Variants in ASIC1 observed in about 807,000 individuals in gnomAD.
The protein encoded by ASIC1 is acid sensing ion channel subunit 1.
A neutral mutation model predicts 63.4 loss-of-function variants in ASIC1; 21 were observed. That is an observed-to-expected ratio of 0.33 (90% CI 0.23 to 0.48). The LOEUF (loss-of-function observed/expected upper bound fraction) is 0.48, where lower values mean the gene tolerates loss of function less well. Among genes scored for constraint, ASIC1 ranks in the 20% least tolerant of loss-of-function variants. The pLI is 0.99. For synonymous variants in ASIC1, 258 were observed against 278.2 expected (o/e 0.93, Z 0.72); for missense variants, 478 against 695.5 (o/e 0.69, Z 3.52).
In ASIC1 at chr12:50,078,589, G is replaced by A. The variant is rs756630738; in HGVS notation, c.994+12G>A. On this transcript the variant is annotated intron_variant, in intron 6 of 11. Transcript: ENST00000447966. The surrounding 1 kb of genome is among the most constrained non-coding windows in gnomAD (Gnocchi z 6.0). ...GGTGCACATGCCAGGTCAGGCCTGG[G>A]GCTCCGAGCATACTCCTGGGGTCCC... 5.0e-6 allele frequency: 8 copies of A among 1,613,902 alleles called. No individual in the cohort carries two copies. The South Asian group carries it at 7.7e-5, about 16-fold the overall frequency.
At position 50,066,379 on chromosome 12, in the gene ASIC1, G is replaced by T. The variant is rs190924585; in HGVS notation, c.558+6425G>T. Among the ~76,000 whole-genome samples, 103 of 152,240 alleles carry T rather than the reference G, an allele frequency of 6.8e-4. No homozygotes were observed. The Middle Eastern group carries it at 0.014, about 20-fold the overall frequency. On this transcript the variant is annotated intron_variant, in intron 3 of 11. Coordinates refer to ENST00000447966, the MANE Select transcript of ASIC1 (RefSeq NM_001095.4). ...GTGTGGCTGTAGGAGTGTGTATGGAGGAGGGTGCTCTGTTGAGAAGCAGTG... is the reference window on the plus strand; with the variant it reads ...GTGTGGCTGTAGGAGTGTGTATGGATGAGGGTGCTCTGTTGAGAAGCAGTG...
rs8192443 is a variant in ASIC1, at chr12:50,081,720, C to T, written c.*71C>T. On this transcript the variant is annotated 3_prime_UTR_variant, in exon 12 of 12. Transcript: ENST00000447966. ...AGAGCGAGGGGGCCCCCAGCTGCCTCCTCACATCTGCCCTGGGGACTCCCC... is the reference window on the plus strand; with the variant it reads ...AGAGCGAGGGGGCCCCCAGCTGCCTTCTCACATCTGCCCTGGGGACTCCCC... 3.6e-6 allele frequency: 5 copies of T among 1,402,590 alleles called. No individual in the cohort carries two copies. The highest frequency in any genetic ancestry group is 3.0e-6 in the Non-Finnish European group (3 of 1,012,066). The allele number at this position is 1,402,590 out of a possible 1,614,324, so 86.9% of individuals were successfully genotyped here.
At chr12:50,069,238 CTCT>C in intron 3 of ASIC1, among the ~76,000 whole-genome samples, 1 of 150,206 alleles carries the variant, frequency 6.7e-6, no homozygotes, top group East Asian at 1.9e-4. Flanking sequence ...CTAATTACTC[CTCT>C]TTATTTATTT....
rs905273945 is a variant in ASIC1, at chr12:50,059,918, C to T, written c.522C>T (p.Phe174=). ...GAGACATGCTGCTCTCCTGCCACTTCCGGGGGGAGGTCTGCAGCGCTGAAG... is the reference window on the plus strand; with the variant it reads ...GAGACATGCTGCTCTCCTGCCACTTTCGGGGGGAGGTCTGCAGCGCTGAAG... ...DIRDMLLSCH[F]RGEVCSAEDF... is the part of the protein sequence containing the mutation. The change falls in exon 3 of 12, where the codon TTC becomes TTT. Residue 174 remains phenylalanine, a synonymous_variant. Coordinates refer to ENST00000447966, the MANE Select transcript of ASIC1 (RefSeq NM_001095.4). The surrounding 1 kb of genome is among the most constrained non-coding windows in gnomAD (Gnocchi z 4.6). The T allele has an allele frequency of 5.6e-6, 9 of 1,614,004 alleles. No homozygotes were observed. The highest frequency in any genetic ancestry group is 7.6e-6 in the Non-Finnish European group (9 of 1,180,018).
chr12:50,063,212 G>C (rs1950516439), intron 3 of ASIC1, among the ~76,000 whole-genome samples: 1 of 152,204 alleles, frequency 6.6e-6, no homozygotes. Flanking sequence ...GGGGGCTGGG[G>C]TGCAGCTGTC....
chr12:50,061,597 C>T (rs992042312), intron 3 of ASIC1, among the ~76,000 whole-genome samples: 28 of 152,108 alleles, frequency 1.8e-4, no homozygotes, highest in Non-Finnish European at 1.5e-5. Context: ...GCAGGAGGGA[C>T]CCGTGAGAAA....
intron 3 of ASIC1, among the ~76,000 whole-genome samples, chr12:50,065,232 C>G (rs1012083367): frequency 6.6e-6 from 1 of 152,160 alleles, no homozygotes; most frequent in Non-Finnish European, 1.5e-5. Context: ...AATGCAGAAG[C>G]CTCTACCTTC....
chr12:50,065,417 A>G (rs1210807698), intron 3 of ASIC1, among the ~76,000 whole-genome samples: 2 of 152,184 alleles, frequency 1.3e-5, no homozygotes, highest in African/African-American at 4.8e-5. Flanking sequence ...TTAGCTTCTA[A>G]GCCCAATCTC....
chr12:50,060,594 G>C (rs1405001264), intron 3 of ASIC1, among the ~76,000 whole-genome samples: 1 of 152,192 alleles, frequency 6.6e-6, no homozygotes, highest in African/African-American at 2.4e-5. Context: ...GCAGAGCCAG[G>C]ATCTGAGGAA....
intron 3 of ASIC1, among the ~76,000 whole-genome samples, chr12:50,066,951 CTG>C (rs1950550660): frequency 6.6e-6 from 1 of 152,200 alleles, no homozygotes. Context: ...CCTGCTAATT[CTG>C]TCTCTCCCTG....
intron 4 of ASIC1, among the ~76,000 whole-genome samples, chr12:50,077,726 C>T (rs1299108500): frequency 6.6e-6 from 1 of 152,154 alleles, no homozygotes; most frequent in Non-Finnish European, 1.5e-5. Flanking sequence ...GCATCTGAAA[C>T]AGTGACACTC....
chr12:50,058,251 GA>G (rs1449004935), intron 1 of ASIC1, among the ~76,000 whole-genome samples: 1 of 152,170 alleles, frequency 6.6e-6, no homozygotes, highest in Non-Finnish European at 1.5e-5. Flanking sequence ...CCCCTCCCTA[GA>G]TGTAGCCACC....
At chr12:50,073,518 G>A (rs1259489965) in intron 3 of ASIC1, 5 of 1,445,684 alleles carry the variant, frequency 3.5e-6, no homozygotes, top group Non-Finnish European at 4.5e-6. Flanking sequence ...GAGTCACATC[G>A]CCTTCCCCTC....
At chr12:50,068,100 A>G (rs1391753601) in intron 3 of ASIC1, among the ~76,000 whole-genome samples, 2 of 152,156 alleles carry the variant, frequency 1.3e-5, no homozygotes, top group Admixed American at 6.5e-5. Context: ...GAGTATATGT[A>G]TCCTCCATAC....
rs653576 is a variant in ASIC1 at position 50,058,925 on chromosome 12, C to G, written c.159C>G (p.Ser53=). The G allele has an allele frequency of 0.97, 1,571,418 of 1,614,160 alleles. 765,743 individuals are homozygous for G. Among genetic ancestry groups the G allele is most frequent in the Non-Finnish European group, 0.99 (1,162,626 of 1,180,030 alleles). The part of the protein sequence containing the change: ...RALWALCFLG[S]LAVLLCVCTE... ...TGTGGGCCCTGTGCTTCCTGGGCTCCCTGGCTGTGCTGCTGTGTGTGTGCA... is the reference window on the plus strand; with the variant it reads ...TGTGGGCCCTGTGCTTCCTGGGCTCGCTGGCTGTGCTGCTGTGTGTGTGCA... The change falls in exon 2 of 12, where the codon TCC becomes TCG. Residue 53 remains serine (S), a synonymous_variant. Transcript: ENST00000447966.
chr12:50,065,950 G>T (rs935168775), intron 3 of ASIC1, among the ~76,000 whole-genome samples: 2 of 152,302 alleles, frequency 1.3e-5, no homozygotes, highest in South Asian at 4.1e-4. Context: ...TCACATATGC[G>T]CCCCGAGCAT....
intron 3 of ASIC1, 92 bp downstream of exon 3, chr12:50,060,046 A>G (rs899081039): frequency 1.4e-6 from 2 of 1,441,020 alleles, no homozygotes; most frequent in African/African-American, 1.4e-5. Flanking sequence ...GGTGCTTGCT[A>G]CTCTGGGAGA....
At chr12:50,058,409 C>G (rs1280566523) in intron 1 of ASIC1, among the ~76,000 whole-genome samples, 1 of 152,186 alleles carries the variant, frequency 6.6e-6, no homozygotes, top group Admixed American at 6.5e-5. Context: ...TATTCTTGTC[C>G]CAGAGTGACC....
chr12:50,080,791 G>A, intron 9 of ASIC1: 1 of 1,452,190 alleles, frequency 6.9e-7, no homozygotes, highest in African/African-American at 1.4e-5. Context: ...GAAAAGACAG[G>A]CCTGTGGGCA....
Sources: allele counts gnomAD v4.1 joint callset (sites outside exome capture counted in the v4.1 genomes callset), GRCh38; gene constraint gnomAD v4.1.1; non-coding constraint Gnocchi (gnomAD v3.1); transcripts MANE v1.5; gene names NCBI Gene and HGNC (gene_info 2026-07-23, HGNC 2026-07-21).